ARHGAP26: variants seen among roughly 807,000 people sequenced by gnomAD.
ARHGAP26 encodes Rho GTPase activating protein 26, also known as rho GTPase-activating protein 26.
Under a neutral mutation model 104.8 loss-of-function variants are expected in ARHGAP26, and 38 were observed. That is an observed-to-expected ratio of 0.36 (90% CI 0.28 to 0.48). ARHGAP26 has a LOEUF of 0.48. Ranked by LOEUF, ARHGAP26 falls within the 20% of genes least tolerant of loss-of-function variation. ARHGAP26 has a pLI of 0.99. For synonymous variants in ARHGAP26, 341 were observed against 340.0 expected, an observed-to-expected ratio of 1.00 and a Z score of -0.03; for missense variants, 704 against 947.9, an observed-to-expected ratio of 0.74 and a Z score of 3.38.
rs185500305 is a variant in ARHGAP26 at position 142,885,221 on chromosome 5, G to A, written c.385-77G>A. ...TCGTCATCTGTGTTCTGAGCAGAAG[G>A]ATCTTGAGAGATGGAGGCTGCTTTT... is the stretch of plus-strand genomic sequence containing the variant. On this transcript the variant is annotated intron_variant, in intron 4 of 22. Coordinates refer to ENST00000645722, the MANE Select transcript of ARHGAP26 (RefSeq NM_001135608.3). The A allele has an allele frequency of 4.8e-5, 57 of 1,199,610 alleles. No homozygotes were observed. In the East Asian group the frequency reaches 1.3e-3, roughly 27 times the overall value. 74.3% of individuals were successfully genotyped at this position (1,199,610 alleles called of 1,614,324 possible). A position where few individuals can be genotyped will look rare whatever the true frequency, so the allele number is the denominator to read the frequency against.
At chr5:143,096,504 C>T (rs1027639980) in intron 17 of ARHGAP26, among the ~76,000 whole-genome samples, 5 of 152,142 alleles carry the variant, frequency 3.3e-5, no homozygotes, top group African/African-American at 1.2e-4. Context: ...CATGGTGTTT[C>T]ATGAAAAAAG....
At chr5:143,030,465 G>A (rs1781687209) in intron 12 of ARHGAP26, among the ~76,000 whole-genome samples, 1 of 152,242 alleles carries the variant, frequency 6.6e-6, no homozygotes, top group African/African-American at 2.4e-5. Flanking sequence ...GGCTTAGCTT[G>A]TGCCACTTTT....
At position 142,871,294 on chromosome 5, in the gene ARHGAP26, G is replaced by A. The variant is rs750620191; in HGVS notation, c.155-2106G>A. ...TGTGCAGAAGCCTCACAAAGGCCCC[G>A]TTGTGCATGACCAGCCACTCCCTGA... On this transcript the variant is annotated intron_variant, in intron 1 of 22. Coordinates refer to ENST00000645722, the MANE Select transcript of ARHGAP26 (RefSeq NM_001135608.3). This position sits in a 1 kb window ranked among gnomAD's most constrained non-coding sequence, Gnocchi z 4.1. 2.6e-5 allele frequency among the ~76,000 whole-genome samples: 4 copies of A among 152,206 alleles called. No individual in the cohort carries two copies. The highest frequency in any genetic ancestry group is 5.9e-5 in the Non-Finnish European group (4 of 68,046).
intron 11 of ARHGAP26, among the ~76,000 whole-genome samples, chr5:142,979,031 G>A (rs889425694): frequency 1.3e-5 from 2 of 152,136 alleles, no homozygotes; most frequent in Admixed American, 1.3e-4. Flanking sequence ...GACTTGGGTT[G>A]GGACTTGATT....
chr5:142,879,349 C>A (rs1562003406), intron 3 of ARHGAP26, 25 bp from the exon 4 acceptor site: 2 of 1,607,358 alleles, frequency 1.2e-6, no homozygotes, highest in Non-Finnish European at 1.7e-6. Flanking sequence ...TGTCTTCTTT[C>A]CCTTACTCTG....
At chr5:143,134,945 C>T (rs1247993073) in intron 19 of ARHGAP26, among the ~76,000 whole-genome samples, 1 of 152,254 alleles carries the variant, frequency 6.6e-6, no homozygotes, top group East Asian at 1.9e-4. Flanking sequence ...CGTTTAATCA[C>T]ACACAGATAA....
chr5:142,785,124 G>A (rs1479971659), intron 1 of ARHGAP26, among the ~76,000 whole-genome samples: 1 of 151,880 alleles, frequency 6.6e-6, no homozygotes, highest in Non-Finnish European at 1.5e-5. Flanking sequence ...TAGAGACAGG[G>A]TTTCACTGTG....
chr5:142,877,051 G>A (rs142462235), intron 3 of ARHGAP26, among the ~76,000 whole-genome samples: 2 of 152,172 alleles, frequency 1.3e-5, no homozygotes, highest in Non-Finnish European at 2.9e-5. Flanking sequence ...GGGGGTGGGG[G>A]TGTGGCAAGC....
rs578144862 is a variant in ARHGAP26, at chr5:142,874,920, T to A, written c.251-190T>A. 146 of 574,162 alleles carry A rather than the reference T, an allele frequency of 2.5e-4. No homozygotes were observed. In the East Asian group the frequency reaches 4.2e-3, roughly 16 times the overall value. 35.6% of individuals were successfully genotyped at this position (574,162 alleles called of 1,614,324 possible). ...TCCCTAGCTAGAGTGCCAGGTGGAA[T>A]TAACCTGCATTTCTGGGTCATCCTT... On this transcript the variant is annotated intron_variant, in intron 2 of 22. Coordinates refer to ENST00000645722, the MANE Select transcript of ARHGAP26 (RefSeq NM_001135608.3).
At chr5:142,992,414 T>A (rs918508628) in intron 11 of ARHGAP26, among the ~76,000 whole-genome samples, 1 of 151,744 alleles carries the variant, frequency 6.6e-6, no homozygotes, top group Admixed American at 6.6e-5. Flanking sequence ...AGTGATTTTT[T>A]ATTTATTTAT....
At chr5:143,058,168 T>C in intron 17 of ARHGAP26, 2 of 430,424 alleles carry the variant, frequency 4.6e-6, no homozygotes, top group South Asian at 4.2e-5. Context: ...TAGAGCTGAC[T>C]CTGTTATTAA....
chr5:142,950,527 A>T (rs1768156129), intron 11 of ARHGAP26, among the ~76,000 whole-genome samples: 1 of 152,152 alleles, frequency 6.6e-6, no homozygotes, highest in East Asian at 1.9e-4. Flanking sequence ...TGGTTCACAC[A>T]AGAAATCCTT....
At chr5:142,979,657 A>G (rs978138164) in intron 11 of ARHGAP26, among the ~76,000 whole-genome samples, 2 of 152,260 alleles carry the variant, frequency 1.3e-5, no homozygotes, top group African/African-American at 4.8e-5. Context: ...AGGAAAATGC[A>G]GAAGTGGAGG....
intron 20 of ARHGAP26, among the ~76,000 whole-genome samples, chr5:143,205,009 G>T (rs540171447): frequency 2.0e-5 from 3 of 152,130 alleles, no homozygotes; most frequent in African/African-American, 7.2e-5. Context: ...GGTGGGGCAG[G>T]GTTGTGTTGA....
chr5:142,808,119 C>T (rs1236316982), intron 1 of ARHGAP26, among the ~76,000 whole-genome samples: 1 of 151,256 alleles, frequency 6.6e-6, no homozygotes, highest in African/African-American at 2.4e-5. Flanking sequence ...CCTGTAGTCC[C>T]AGCTACTCGG....
intron 11 of ARHGAP26, among the ~76,000 whole-genome samples, chr5:143,012,284 C>A (rs1036843183): frequency 1.3e-5 from 2 of 151,204 alleles, no homozygotes; most frequent in Non-Finnish European, 2.9e-5. Flanking sequence ...AATTCAAAGA[C>A]CTTCTTGGGC....
rs540989549 is a variant in ARHGAP26 at position 143,058,617 on chromosome 5, A to T, written c.1538+870A>T. ...ATTATTAAACCCTACATTCTATTGA[A>T]CTGATGTGTTATAAATTTGGCCCTT... On this transcript the variant is annotated intron_variant, in intron 17 of 22. Transcript: ENST00000645722. 6.0e-4 allele frequency among the ~76,000 whole-genome samples: 91 copies of T among 152,366 alleles called. 1 individual carries two copies. In the South Asian group the frequency reaches 0.018, roughly 31 times the overall value.
chr5:143,103,226 G>A (rs1793510884), intron 17 of ARHGAP26: 1 of 984,944 alleles, frequency 1.0e-6, no homozygotes, highest in Admixed American at 6.2e-5. Flanking sequence ...CACTGGATCA[G>A]TAGACATGGG....
chr5:142,865,478 GTTTTTTT>G lies in ARHGAP26; in HGVS notation c.155-7905_155-7899del, dbSNP rs35950662. Among the ~76,000 whole-genome samples, 545 of 117,232 alleles carry G rather than the reference GTTTTTTT, an allele frequency of 4.6e-3. 2 individuals carry two copies. Among genetic ancestry groups the G allele is most frequent in the African/African-American group, 8.1e-3 (250 of 30,934 alleles). 76.9% of individuals were successfully genotyped at this position (117,232 alleles called of 152,430 possible). On this transcript the variant is annotated intron_variant, in intron 1 of 22. Coordinates refer to ENST00000645722, the MANE Select transcript of ARHGAP26 (RefSeq NM_001135608.3). ...AACTTGGAGTTTTCAACACGGAGAA[GTTTTTTT>G]TTTTTTTTTTTTTTTTGAATCCCTT...
Sources: allele counts gnomAD v4.1 joint callset (sites outside exome capture counted in the v4.1 genomes callset), GRCh38; gene constraint gnomAD v4.1.1; non-coding constraint Gnocchi (gnomAD v3.1); transcripts MANE v1.5; gene names NCBI Gene and HGNC (gene_info 2026-07-23, HGNC 2026-07-21).